ARMC2: variants seen among roughly 807,000 people sequenced by gnomAD.
ARMC2 encodes the protein armadillo repeat containing 2.
In ARMC2, 67 loss-of-function variants were observed where a neutral mutation model predicts 90.3. The observed-to-expected ratio is 0.74, with a 90% CI of 0.61 to 0.91. The LOEUF (loss-of-function observed/expected upper bound fraction) is 0.91, where lower values mean the gene tolerates loss of function less well. Ranked by LOEUF, ARMC2 falls within the 40% of genes least tolerant of loss-of-function variation. The pLI is 0.00. For missense variants in ARMC2, 920 were observed against 1,030.9 expected (o/e 0.89, Z 1.47); for synonymous variants, 393 against 393.0 (o/e 1.00, Z 0.00).
At chr6:108,904,125 C>A in intron 7 of ARMC2, 105 bp from the exon 8 acceptor site, 5 of 1,300,572 alleles carry the variant, frequency 3.8e-6, no homozygotes, top group South Asian at 1.4e-5. Flanking sequence ...TTGAAGATAT[C>A]CAAGGAAATA....
At chr6:108,851,488 C>T (rs1034514170) in intron 1 of ARMC2, among the ~76,000 whole-genome samples, 1 of 152,074 alleles carries the variant, frequency 6.6e-6, no homozygotes, top group African/African-American at 2.4e-5. Flanking sequence ...GAAGGCTGCT[C>T]CTGTTGGGAA....
intron 10 of ARMC2, among the ~76,000 whole-genome samples, chr6:108,924,625 G>A (rs1330762729): frequency 1.3e-5 from 2 of 152,236 alleles, no homozygotes; most frequent in Non-Finnish European, 2.9e-5. Context: ...CTCATGTGGT[G>A]CAGAGTCTGA....
intron 17 of ARMC2, among the ~76,000 whole-genome samples, chr6:108,968,531 G>C (rs1778536937): frequency 6.6e-6 from 1 of 152,202 alleles, no homozygotes; most frequent in South Asian, 2.1e-4. Context: ...TGGGTGGTGG[G>C]CTGTGCTGCC....
At chr6:109,032,133 G>T in the ARMC2 span, among the ~76,000 whole-genome samples, 1 of 152,178 alleles carries the variant, frequency 6.6e-6, no homozygotes, top group African/African-American at 2.4e-5. Flanking sequence ...TTAGCCAGGC[G>T]TGGTGGTTCA....
intron 11 of ARMC2, 51 bp from the exon 12 acceptor site, chr6:108,936,849 T>G: frequency 6.9e-7 from 1 of 1,454,718 alleles, no homozygotes; most frequent in Non-Finnish European, 9.4e-7. Context: ...GTACTTGAAT[T>G]TTATAGAAAA....
At chr6:109,029,495 C>T in the ARMC2 span, among the ~76,000 whole-genome samples, 1 of 152,162 alleles carries the variant, frequency 6.6e-6, no homozygotes, top group South Asian at 2.1e-4. Context: ...CAACCTCTCC[C>T]TCCTCAAGCC....
intron 11 of ARMC2, among the ~76,000 whole-genome samples, chr6:108,931,236 A>G (rs1314034187): frequency 6.6e-6 from 1 of 151,872 alleles, no homozygotes; most frequent in Non-Finnish European, 1.5e-5. Flanking sequence ...ATCCATGTTC[A>G]CGCATAAGAC....
intron 13 of ARMC2, among the ~76,000 whole-genome samples, chr6:108,955,070 G>A (rs1328039432): frequency 6.6e-6 from 1 of 152,110 alleles, no homozygotes; most frequent in Non-Finnish European, 1.5e-5. Context: ...ACCGGATGAG[G>A]GCCCCACCCT....
chr6:108,868,478 A>G (rs1414561165), intron 3 of ARMC2, among the ~76,000 whole-genome samples: 1 of 152,172 alleles, frequency 6.6e-6, no homozygotes, highest in Non-Finnish European at 1.5e-5. Context: ...CGGCCTCCCA[A>G]AGTGCTGGGA....
At chr6:109,024,769 C>G in the ARMC2 span, among the ~76,000 whole-genome samples, 3 of 152,164 alleles carry the variant, frequency 2.0e-5, no homozygotes, top group Non-Finnish European at 2.9e-5. Flanking sequence ...TGGCTGAGAA[C>G]TGTCACTTGC....
At chr6:108,926,415 C>A (rs1381250328) in intron 10 of ARMC2, among the ~76,000 whole-genome samples, 1 of 152,166 alleles carries the variant, frequency 6.6e-6, no homozygotes, top group East Asian at 1.9e-4. Context: ...TAGAATGGTT[C>A]ATTAGTCTTC....
At chr6:108,993,985 A>T in the ARMC2 span, among the ~76,000 whole-genome samples, 2 of 151,964 alleles carry the variant, frequency 1.3e-5, no homozygotes, top group African/African-American at 4.8e-5. Flanking sequence ...AAAAAAAATT[A>T]AAAAATTAAG....
the ARMC2 span, among the ~76,000 whole-genome samples, chr6:109,022,438 T>G: frequency 3.1e-5 from 4 of 129,046 alleles, no homozygotes; most frequent in Non-Finnish European, 5.1e-5. Context: ...TTTTTTTTTT[T>G]TTGAGATGGA....
At chr6:108,851,831 A>G (rs1774045974) in intron 1 of ARMC2, among the ~76,000 whole-genome samples, 1 of 152,192 alleles carries the variant, frequency 6.6e-6, no homozygotes, top group African/African-American at 2.4e-5. Context: ...TGTGGGGTTA[A>G]TTGAGATAAT....
the ARMC2 span, chr6:109,008,934 T>C: frequency 4.0e-6 from 4 of 990,210 alleles, no homozygotes; most frequent in Non-Finnish European, 4.8e-6. Context: ...GGTGGCTAAA[T>C]AATCTGTTTT....
chr6:108,879,575 T>C lies in ARMC2; in HGVS notation c.671+3225T>C, dbSNP rs150270969. ...CCACCCACGCAGTCATCCATCTATCTATTCACCCACCTGTTCGTCCATCCA... is the reference window on the plus strand; with the variant it reads ...CCACCCACGCAGTCATCCATCTATCCATTCACCCACCTGTTCGTCCATCCA... On this transcript the variant is annotated intron_variant, in intron 5 of 17. Coordinates refer to ENST00000392644, the MANE Select transcript of ARMC2 (RefSeq NM_032131.6). 9.7e-3 allele frequency among the ~76,000 whole-genome samples: 1,100 copies of C among 113,072 alleles called. 16 individuals carry two copies. The highest frequency in any genetic ancestry group is 0.037 in the African/African-American group (1,075 of 29,142). 74.2% of individuals were successfully genotyped at this position (113,072 alleles called of 152,430 possible).
intron 12 of ARMC2, among the ~76,000 whole-genome samples, chr6:108,949,292 A>G (rs1777019834): frequency 6.6e-6 from 1 of 152,208 alleles, no homozygotes; most frequent in Admixed American, 6.5e-5. Context: ...TTTAGATTGT[A>G]AAAGATACTG....
chr6:108,966,906 C>G (rs954789414), intron 17 of ARMC2, among the ~76,000 whole-genome samples: 1 of 152,174 alleles, frequency 6.6e-6, no homozygotes, highest in Non-Finnish European at 1.5e-5. Context: ...AGCCCCTGCT[C>G]TCGTTAGCAA....
At chr6:108,855,394 G>A (rs553773861) in intron 2 of ARMC2, among the ~76,000 whole-genome samples, 12 of 151,766 alleles carry the variant, frequency 7.9e-5, no homozygotes, top group African/African-American at 2.4e-4. Context: ...GACTACAGGC[G>A]CCCGCCACCA....
Sources: gnomAD v4.1 joint callset for allele counts (sites outside exome capture counted in the v4.1 genomes callset) on GRCh38, gnomAD v4.1.1 for gene constraint, MANE v1.5 for transcripts, NCBI Gene and HGNC (gene_info 2026-07-23, HGNC 2026-07-21) for gene names.